The following GRM5 variants were observed in gnomAD, a reference collection of about 807,000 sequenced individuals.
GRM5 encodes the protein metabotropic glutamate receptor 5.
Under a neutral mutation model 83.1 loss-of-function variants are expected in GRM5, and 19 were observed. That is an observed-to-expected ratio of 0.23 (90% CI 0.16 to 0.34). GRM5 has a LOEUF of 0.34. Among genes scored for constraint, GRM5 ranks in the 10% least tolerant of loss-of-function variants. GRM5 has a pLI of 1.00. For synonymous variants in GRM5, 675 were observed against 633.6 expected (o/e 1.07, Z -0.98); for missense variants, 1,160 against 1,588.3 (o/e 0.73, Z 4.58).
At chr11:88,735,109 A>T (rs1312684923) in intron 3 of GRM5, among the ~76,000 whole-genome samples, 1 of 152,066 alleles carries the variant, frequency 6.6e-6, no homozygotes, top group Non-Finnish European at 1.5e-5. Flanking sequence ...TGAGTTATTC[A>T]TTCTTAATAA....
chr11:88,582,048 A>G (rs1390294896), intron 7 of GRM5, among the ~76,000 whole-genome samples: 3 of 151,800 alleles, frequency 2.0e-5, no homozygotes, highest in Non-Finnish European at 4.4e-5. Context: ...TCCTTCATTC[A>G]TTTCTTCATT....
At chr11:88,588,411 C>T (rs1382017809) in intron 7 of GRM5, among the ~76,000 whole-genome samples, 1 of 151,948 alleles carries the variant, frequency 6.6e-6, no homozygotes, top group Non-Finnish European at 1.5e-5. Flanking sequence ...CTGAATTCTT[C>T]CTGAAAAAAT....
At chr11:88,570,883 AT>A (rs2135177766) in intron 7 of GRM5, among the ~76,000 whole-genome samples, 1 of 151,836 alleles carries the variant, frequency 6.6e-6, no homozygotes, top group East Asian at 1.9e-4. Flanking sequence ...TATATTTATT[AT>A]TTTATATTAG....
At chr11:88,544,265 G>A (rs1022659781) in intron 8 of GRM5, among the ~76,000 whole-genome samples, 13 of 152,142 alleles carry the variant, frequency 8.5e-5, no homozygotes, top group Non-Finnish European at 1.9e-4. Context: ...TAGGAAAATG[G>A]TGAAATGGTA....
intron 2 of GRM5, among the ~76,000 whole-genome samples, chr11:88,919,900 C>A (rs1451798967): frequency 6.6e-6 from 1 of 151,738 alleles, no homozygotes; most frequent in Admixed American, 6.6e-5. Flanking sequence ...ACAGAGAAAG[C>A]AATGTTAAGA....
intron 4 of GRM5, among the ~76,000 whole-genome samples, chr11:88,635,858 G>A (rs55867125): frequency 0.06 from 9,179 of 152,186 alleles, 260 homozygotes; most frequent in Middle Eastern, 0.071. Flanking sequence ...GTTGATTCTC[G>A]TCTATGGTGT....
chr11:88,866,840 G>A (rs778943152), intron 2 of GRM5, among the ~76,000 whole-genome samples: 8 of 152,094 alleles, frequency 5.3e-5, no homozygotes, highest in Admixed American at 4.6e-4. Flanking sequence ...ATGGTTTTAG[G>A]TATTAGTTTA....
rs533068349 is a variant in GRM5 at position 89,031,338 on chromosome 11, T to G, written c.661+15874A>C. Among the ~76,000 whole-genome samples, 296 of 152,088 alleles carry G rather than the reference T, an allele frequency of 1.9e-3. 3 individuals carry two copies. The highest frequency in any genetic ancestry group is 0.014 in the South Asian group (70 of 4,828). Reference sequence around the variant, plus strand: ...ATATATTTTCAAGTTGTACAAGAATTTAATCTTTTTGATTATTTTTGTTTT... The same window carrying G: ...ATATATTTTCAAGTTGTACAAGAATGTAATCTTTTTGATTATTTTTGTTTT... On this transcript the variant is annotated intron_variant, in intron 2 of 9. Transcript: ENST00000305447.
chr11:89,009,899 T>C (rs1002077612), intron 2 of GRM5, among the ~76,000 whole-genome samples: 3 of 3,060 alleles, frequency 9.8e-4, no homozygotes, highest in Admixed American at 7.2e-3. Context: ...AGACTCCGTC[T>C]CAAAAAAAAA....
intron 4 of GRM5, among the ~76,000 whole-genome samples, chr11:88,617,410 C>G (rs116768295): frequency 1.3e-5 from 2 of 152,232 alleles, no homozygotes; most frequent in East Asian, 1.9e-4. Flanking sequence ...GTTTCTTGGA[C>G]CTTTTTCCCC....
chr11:88,613,283 C>A (rs1938378532), intron 4 of GRM5, among the ~76,000 whole-genome samples: 1 of 152,150 alleles, frequency 6.6e-6, no homozygotes, highest in African/African-American at 2.4e-5. Context: ...ATACGTCTGA[C>A]ATTGTCAGTC....
At chr11:88,978,730 G>T (rs1250423505) in intron 2 of GRM5, among the ~76,000 whole-genome samples, 1 of 151,720 alleles carries the variant, frequency 6.6e-6, no homozygotes, top group African/African-American at 2.4e-5. Context: ...TGAGCACCTT[G>T]CATGTGCCAG....
Position 88,687,579 on chromosome 11 carries a change from A to ATATTATATAT in GRM5, c.912-34177_912-34176insATATATAATA, listed in dbSNP as rs1250226972. Among the ~76,000 whole-genome samples, 88 of 46,660 alleles carry ATATTATATAT rather than the reference A, an allele frequency of 1.9e-3. 2 individuals carry two copies. Among genetic ancestry groups the ATATTATATAT allele is most frequent in the Non-Finnish European group, 2.4e-3 (75 of 31,412 alleles). The allele number at this position is 46,660 out of a possible 152,430, so 30.6% of individuals were successfully genotyped here. A position where few individuals can be genotyped will look rare whatever the true frequency, so the allele number is the denominator to read the frequency against. On this transcript the variant is annotated intron_variant, in intron 3 of 9. Coordinates refer to ENST00000305447, the MANE Select transcript of GRM5 (RefSeq NM_001143831.3). ...ATATATATTATATATATATATATAT[A>ATATTATATAT]ATATATATATATATATATTCTCCAC...
In GRM5 at chr11:88,780,448, G is replaced by A. The variant is rs75175570; in HGVS notation, c.911+69458C>T. On this transcript the variant is annotated intron_variant, in intron 3 of 9. Transcript: ENST00000305447. ...CCTATATAAGGCTGATCAAGCTGCC[G>A]TTACGTTTTATGATGTTGGGAGAGT... 8.9e-3 allele frequency among the ~76,000 whole-genome samples: 1,352 copies of A among 152,236 alleles called. 22 individuals carry two copies. Among genetic ancestry groups the A allele is most frequent in the African/African-American group, 0.03 (1,267 of 41,550 alleles).
At chr11:88,574,985 C>CTTTTTTTTT (rs796257304) in intron 7 of GRM5, among the ~76,000 whole-genome samples, 5 of 116,154 alleles carry the variant, frequency 4.3e-5, no homozygotes, top group African/African-American at 1.3e-4. Context: ...CTTTTCTTTT[C>CTTTTTTTTT]TTTTTTTTTT....
At chr11:88,736,995 G>C (rs16914739) in intron 3 of GRM5, among the ~76,000 whole-genome samples, 1 of 151,984 alleles carries the variant, frequency 6.6e-6, no homozygotes, top group South Asian at 2.1e-4. Context: ...ATCAGATTAA[G>C]TGCTAAACCA....
chr11:88,789,854 A>T lies in GRM5; in HGVS notation c.911+60052T>A, dbSNP rs996372442. ...TGAACATCTACAATGTACAAGGCAA[A>T]TTTTTTTTTTCTTTTTTTGATATGG... On this transcript the variant is annotated intron_variant, in intron 3 of 9. Coordinates refer to ENST00000305447, the MANE Select transcript of GRM5 (RefSeq NM_001143831.3). 1.3e-4 allele frequency among the ~76,000 whole-genome samples: 19 copies of T among 150,376 alleles called. No homozygotes were observed. The East Asian group carries it at 2.3e-3, about 19-fold the overall frequency.
intron 2 of GRM5, among the ~76,000 whole-genome samples, chr11:88,963,795 C>T (rs1938857915): frequency 6.6e-6 from 1 of 152,128 alleles, no homozygotes; most frequent in South Asian, 2.1e-4. Flanking sequence ...GTAAGAGAGG[C>T]TGTGAAGATA....
At chr11:88,809,328 G>C (rs985380256) in intron 3 of GRM5, among the ~76,000 whole-genome samples, 1 of 151,978 alleles carries the variant, frequency 6.6e-6, no homozygotes, top group African/African-American at 2.4e-5. Context: ...GCTCTTAACT[G>C]TAGCCAGTTT....
Sources: allele counts gnomAD v4.1 joint callset (sites outside exome capture counted in the v4.1 genomes callset), GRCh38; gene constraint gnomAD v4.1.1; transcripts MANE v1.5; gene names NCBI Gene and HGNC (gene_info 2026-07-23, HGNC 2026-07-21).